The following PSEN2 variants were observed in gnomAD, a reference collection of about 807,000 sequenced individuals.
PSEN2 encodes presenilin-2.
In PSEN2, 32 loss-of-function variants were observed where a neutral mutation model predicts 49.1. That is an observed-to-expected ratio of 0.65 (90% CI 0.49 to 0.88). The LOEUF (loss-of-function observed/expected upper bound fraction) is 0.88, where lower values mean the gene tolerates loss of function less well. Ranked by LOEUF, PSEN2 falls within the 40% of genes least tolerant of loss-of-function variation. The pLI, the probability that PSEN2 is intolerant of heterozygous loss-of-function variation, is 0.00. For missense variants in PSEN2, 522 were observed against 586.9 expected, an observed-to-expected ratio of 0.89 and a Z score of 1.14; for synonymous variants, 255 against 244.0, an observed-to-expected ratio of 1.05 and a Z score of -0.42.
downstream of PSEN2, among the ~76,000 whole-genome samples, chr1:226,897,366 C>T (rs2102701428): frequency 6.6e-6 from 1 of 152,170 alleles, no homozygotes; most frequent in South Asian, 2.1e-4. Flanking sequence ...GTGGAGACCA[C>T]ATTCAGAGGT....
chr1:226,877,932 G>A (rs1001827629), intron 3 of PSEN2, among the ~76,000 whole-genome samples: 8 of 152,188 alleles, frequency 5.3e-5, no homozygotes, highest in Non-Finnish European at 1.2e-4. Flanking sequence ...CCAGGTCACT[G>A]TCTAGACCAG....
chr1:226,879,925 C>T (rs1310363193), intron 3 of PSEN2, among the ~76,000 whole-genome samples: 2 of 152,204 alleles, frequency 1.3e-5, no homozygotes, highest in East Asian at 3.8e-4. Flanking sequence ...CAGTCTCTGC[C>T]TGTGCCTCTT....
At position 226,895,434 on chromosome 1, in the gene PSEN2, T is replaced by C; in HGVS notation, c.1202T>C (p.Leu401Pro). The change falls in exon 13 of 13, where the codon CTG (leucine) becomes CCG (proline). Residue 401 changes from leucine to proline, a missense_variant. By Grantham distance (98) the Leu-to-Pro change is moderately conservative. Coordinates refer to ENST00000366783, the MANE Select transcript of PSEN2 (RefSeq NM_000447.3). ...CFVAILIGLC[L>P]TLLLLAVFKK... ...CTCCATGTCCTGCAGGGCTTGTGTC[T>C]GACCCTCCTGCTGCTTGCTGTGTTC... 6.2e-7 allele frequency: 1 copy of C among 1,614,090 alleles called. No individual in the cohort carries two copies. The highest frequency in any genetic ancestry group is 8.5e-7 in the Non-Finnish European group (1 of 1,180,004).
intron 11 of PSEN2, 149 bp from the exon 12 acceptor site, chr1:226,893,858 A>G (rs1344321144): frequency 9.9e-6 from 7 of 710,480 alleles, no homozygotes; most frequent in Non-Finnish European, 1.8e-5. Context: ...GCAGCTGTCC[A>G]TGTCCCCAGT....
rs750941167 is a variant in PSEN2, at chr1:226,880,730, C to G, written c.-20-1158C>G. On this transcript the variant is annotated intron_variant, in intron 3 of 12. Transcript: ENST00000366783. ...ACCTGCATGTGTAGATTTTGGTACACTGGGTCCCCCACTTGGTACTACTGT... is the reference window on the plus strand; with the variant it reads ...ACCTGCATGTGTAGATTTTGGTACAGTGGGTCCCCCACTTGGTACTACTGT... 30 of 1,612,596 alleles carry G rather than the reference C, an allele frequency of 1.9e-5. No individual in the cohort carries two copies. The East Asian group carries it at 6.0e-4, about 32-fold the overall frequency.
At chr1:226,872,166 G>A (rs1302827878) in intron 2 of PSEN2, among the ~76,000 whole-genome samples, 1 of 152,148 alleles carries the variant, frequency 6.6e-6, no homozygotes, top group East Asian at 1.9e-4. Flanking sequence ...TGGAGCTGTG[G>A]TGCATAATGT....
At chr1:226,892,237 A>G (rs1661808533) in intron 11 of PSEN2, among the ~76,000 whole-genome samples, 1 of 152,254 alleles carries the variant, frequency 6.6e-6, no homozygotes, top group Middle Eastern at 3.4e-3. Context: ...GGTGAGAGAA[A>G]GTCAGCTGAG....
intron 4 of PSEN2, 112 bp downstream of exon 4, chr1:226,882,160 G>C: frequency 6.9e-7 from 1 of 1,447,880 alleles, no homozygotes; most frequent in Non-Finnish European, 9.4e-7. Context: ...GGGAAGTAAT[G>C]ATGAGGATTG....
At chr1:226,882,639 A>G (rs1571949178) in intron 4 of PSEN2, among the ~76,000 whole-genome samples, 2 of 152,150 alleles carry the variant, frequency 1.3e-5, no homozygotes, top group African/African-American at 2.4e-5. Flanking sequence ...TGTTTTGCCC[A>G]TTATAGAATT....
At position 226,891,321 on chromosome 1, in the gene PSEN2, C is replaced by T; in HGVS notation, c.930C>T (p.Ser310=). The change falls in exon 10 of 13, where the codon TCC becomes TCT. Residue 310 remains serine, a synonymous_variant. Coordinates refer to ENST00000366783, the MANE Select transcript of PSEN2 (RefSeq NM_000447.3). ...WTVGMAKLDP[S]SQGALQLPYD... Reference sequence around the variant, plus strand: ...TTGGCATGGCGAAGCTGGACCCCTCCTCTCAGGGTGCCCTCCAGCTCCCCT... The same window carrying T: ...TTGGCATGGCGAAGCTGGACCCCTCTTCTCAGGGTGCCCTCCAGCTCCCCT... 1 of 1,613,970 alleles carries T rather than the reference C, an allele frequency of 6.2e-7. No homozygotes were observed. The highest frequency in any genetic ancestry group is 1.7e-5 in the Admixed American group (1 of 60,008).
intron 5 of PSEN2, 138 bp downstream of exon 5, chr1:226,884,057 C>T: frequency 2.7e-6 from 2 of 748,598 alleles, no homozygotes. Context: ...AAGAACCGCC[C>T]AGGTTCATGG....
At chr1:226,890,250 C>T (rs1031378921) in intron 9 of PSEN2, 117 bp downstream of exon 9, 4 of 852,492 alleles carry the variant, frequency 4.7e-6, no homozygotes, top group Non-Finnish European at 8.1e-6. Context: ...CCAGGAGGGT[C>T]TCCACTTTCA....
chr1:226,873,740 T>G (rs1660453447), intron 2 of PSEN2, among the ~76,000 whole-genome samples: 1 of 152,174 alleles, frequency 6.6e-6, no homozygotes, highest in South Asian at 2.1e-4. Context: ...TAACATGCAT[T>G]TCCTTCCACA....
intron 6 of PSEN2, 124 bp from the exon 7 acceptor site, chr1:226,887,967 A>G: frequency 1.2e-6 from 1 of 826,796 alleles, no homozygotes. Flanking sequence ...GATCCCTTCC[A>G]GCGTAGGCAT....
In PSEN2 at chr1:226,891,314, A is replaced by T; in HGVS notation, c.923A>T (p.Asp308Val). ...MVWTVGMAKLDPSSQGALQLP... is the reference protein window; with the variant it reads ...MVWTVGMAKLVPSSQGALQLP... ...TGGACGGTTGGCATGGCGAAGCTGG[A>T]CCCCTCCTCTCAGGGTGCCCTCCAG... Residue 308 changes from aspartate (D) to valine (V), a missense_variant, in exon 10 of 13, where the codon GAC (aspartate) becomes GTC (valine). Physicochemically the swap from Asp to Val is radical, Grantham distance 152. Coordinates refer to ENST00000366783, the MANE Select transcript of PSEN2 (RefSeq NM_000447.3). 6.2e-7 allele frequency: 1 copy of T among 1,613,812 alleles called. No homozygotes were observed. The highest frequency in any genetic ancestry group is 8.5e-7 in the Non-Finnish European group (1 of 1,179,974).
intron 6 of PSEN2, 30 bp downstream of exon 6, chr1:226,885,709 G>A (rs2236910): frequency 1.4e-5 from 22 of 1,601,880 alleles, no homozygotes; most frequent in Admixed American, 1.0e-4. Context: ...CTCCAGCCAC[G>A]CTTCTCTCCG....
Position 226,871,297 on chromosome 1 carries a change from CT to C in PSEN2, c.-310del. ...CAGTGAGGAGACAGCCAGAAGCAAG[CT>C]TTTGGAGCTGAAGGAACCTGAGACA... On this transcript the variant is annotated 5_prime_UTR_variant, in exon 2 of 13. Transcript: ENST00000366783. The C allele has an allele frequency of 6.6e-6, 1 of 152,398 alleles. No homozygotes were observed. Among genetic ancestry groups the C allele is most frequent in the Non-Finnish European group, 1.5e-5 (1 of 68,084 alleles). The allele number at this position is 152,398 out of a possible 1,614,324, so 9.4% of individuals were successfully genotyped here. A position where few individuals can be genotyped will look rare whatever the true frequency, so the allele number is the denominator to read the frequency against.
At chr1:226,899,061 A>C (rs1209041439), downstream of PSEN2, 1 of 152,198 alleles carries the variant, frequency 6.6e-6, no homozygotes, top group African/African-American at 2.4e-5. Context: ...TGTCTGGTAC[A>C]TTGTGGCTTG....
chr1:226,889,097 G>A (rs1261553130), intron 8 of PSEN2, 48 bp downstream of exon 8: 2 of 1,537,946 alleles, frequency 1.3e-6, no homozygotes, highest in East Asian at 2.3e-5. Context: ...GATGTCCAGG[G>A]CCAAATCGTC....
Sources: allele counts gnomAD v4.1 joint callset (sites outside exome capture counted in the v4.1 genomes callset), GRCh38; gene constraint gnomAD v4.1.1; transcripts MANE v1.5; gene names NCBI Gene and HGNC (gene_info 2026-07-23, HGNC 2026-07-21).